Variants in LARGE1 observed in about 807,000 individuals in gnomAD.
The protein encoded by LARGE1 is xylosyl- and glucuronyltransferase LARGE1.
In LARGE1, 43 loss-of-function variants were observed where a neutral mutation model predicts 87.6. The ratio of observed to expected loss-of-function variants is 0.49; its 90% CI spans 0.38 to 0.63. LARGE1 has a LOEUF of 0.63. Among genes scored for constraint, LARGE1 ranks in the 30% least tolerant of loss-of-function variants. The probability of loss-of-function intolerance (pLI) is 0.00; values close to 1 mark genes in which losing one functional copy is unlikely to be tolerated. For missense variants in LARGE1, 802 were observed against 1,000.2 expected (o/e 0.80, Z 2.67); for synonymous variants, 434 against 394.6 (o/e 1.10, Z -1.18).
chr22:33,636,160 A>G (rs540764908), intron 3 of LARGE1, among the ~76,000 whole-genome samples: 1 of 152,214 alleles, frequency 6.6e-6, no homozygotes, highest in African/African-American at 2.4e-5. Flanking sequence ...AATTTTACAC[A>G]GAAAACATTA....
In LARGE1 at chr22:33,920,294, CT is replaced by C. The variant is rs923607181; in HGVS notation, c.-383del. ...AGGGGCGCCCCGCATGGGCAGGGGC[CT>C]GGGTCAGCCTCGGGTTGGGTCCAGG... On this transcript the variant is annotated 5_prime_UTR_variant, in exon 1 of 15. Transcript: ENST00000397394. The C allele has an allele frequency of 6.6e-6, 1 of 152,556 alleles. No homozygotes were observed. Among genetic ancestry groups the C allele is most frequent in the African/African-American group, 2.4e-5 (1 of 41,452 alleles). 9.5% of individuals were successfully genotyped at this position (152,556 alleles called of 1,614,324 possible). A position where few individuals can be genotyped will look rare whatever the true frequency, so the allele number is the denominator to read the frequency against.
intron 7 of LARGE1, among the ~76,000 whole-genome samples, chr22:33,411,487 T>C (rs1428078191): frequency 6.6e-6 from 1 of 152,240 alleles, no homozygotes; most frequent in African/African-American, 2.4e-5. Context: ...ATCACATGCA[T>C]ACATAAACAT....
Position 33,859,905 on chromosome 22 carries a change from C to G in LARGE1, c.-83+60090G>C, listed in dbSNP as rs1381266463. Among the ~76,000 whole-genome samples, 6 of 152,254 alleles carry G rather than the reference C, an allele frequency of 3.9e-5. No individual in the cohort carries two copies. In the East Asian group the frequency reaches 1.2e-3, roughly 29 times the overall value. On this transcript the variant is annotated intron_variant, in intron 1 of 14. Coordinates refer to ENST00000397394, the MANE Select transcript of LARGE1 (RefSeq NM_133642.5). ...ACAACAAATACTATATCATTCCACT[C>G]ATATAAAGTACCTGGAGGACTCAAA...
intron 11 of LARGE1, among the ~76,000 whole-genome samples, chr22:33,217,731 A>T (rs577890580): frequency 6.6e-6 from 1 of 152,240 alleles, no homozygotes; most frequent in African/African-American, 2.4e-5. Context: ...TATTCCTTAA[A>T]TAATTTACTG....
intron 5 of LARGE1, among the ~76,000 whole-genome samples, chr22:33,599,451 G>A (rs1314527301): frequency 6.6e-6 from 1 of 152,142 alleles, no homozygotes; most frequent in Non-Finnish European, 1.5e-5. Flanking sequence ...TAGCCTGTTG[G>A]TACCAGGAGT....
At position 33,887,598 on chromosome 22, in the gene LARGE1, G is replaced by A. The variant is rs370743263; in HGVS notation, c.-83+32397C>T. 1.3e-3 allele frequency among the ~76,000 whole-genome samples: 191 copies of A among 152,206 alleles called. 1 individual carries two copies. The highest frequency in any genetic ancestry group is 0.011 in the East Asian group (55 of 5,164). On this transcript the variant is annotated intron_variant, in intron 1 of 14. Transcript: ENST00000397394. The stretch of plus-strand genomic sequence containing the variant: ...CTAAAAATACAAAAATTAGCCAGGC[G>A]TGGTGGGTGGGTGCCTGTAATCCCA...
At chr22:33,452,876 C>G (rs2067992307) in intron 6 of LARGE1, among the ~76,000 whole-genome samples, 1 of 146,266 alleles carries the variant, frequency 6.8e-6, no homozygotes, top group Admixed American at 6.6e-5. Context: ...TGCTCATTTC[C>G]TTTACTTCAA....
At chr22:33,333,830 A>G (rs1938060360) in intron 10 of LARGE1, among the ~76,000 whole-genome samples, 1 of 150,598 alleles carries the variant, frequency 6.6e-6, no homozygotes, top group Non-Finnish European at 1.5e-5. Context: ...GACAAAAAGA[A>G]AACAGGGGCT....
intron 1 of LARGE1, among the ~76,000 whole-genome samples, chr22:33,843,676 T>C (rs536450129): frequency 7.2e-5 from 11 of 152,004 alleles, no homozygotes; most frequent in African/African-American, 2.7e-4. Flanking sequence ...ATGTTACTGA[T>C]GAAAACAAGT....
chr22:33,635,792 C>G (rs1225693237), intron 3 of LARGE1, among the ~76,000 whole-genome samples: 1 of 152,234 alleles, frequency 6.6e-6, no homozygotes, highest in Non-Finnish European at 1.5e-5. Flanking sequence ...CCTCTCAAAT[C>G]ATGTTACAAA....
chr22:33,423,452 G>A (rs9609788), intron 7 of LARGE1, among the ~76,000 whole-genome samples: 59,606 of 151,426 alleles, frequency 0.39, 12,329 homozygotes, highest in Non-Finnish European at 0.44. Context: ...TGAGGTGGGC[G>A]GATCACTTGA....
chr22:33,544,944 T>C (rs1013649787), intron 6 of LARGE1, among the ~76,000 whole-genome samples: 5 of 152,092 alleles, frequency 3.3e-5, no homozygotes, highest in East Asian at 1.9e-4. Context: ...AGGAGAGATA[T>C]GGTGTTCAAC....
At chr22:33,537,164 C>T (rs2077066469) in intron 6 of LARGE1, among the ~76,000 whole-genome samples, 1 of 152,260 alleles carries the variant, frequency 6.6e-6, no homozygotes, top group African/African-American at 2.4e-5. Flanking sequence ...TACCACATTT[C>T]ACTACAAATG....
At chr22:33,174,395 C>A (rs1922747687) in intron 11 of LARGE1, among the ~76,000 whole-genome samples, 1 of 152,088 alleles carries the variant, frequency 6.6e-6, no homozygotes, top group African/African-American at 2.4e-5. Flanking sequence ...CAGGAAAGAT[C>A]TAAAATCGAC....
chr22:33,893,509 C>T lies in LARGE1; in HGVS notation c.-83+26486G>A, dbSNP rs112697093. 8.2e-3 allele frequency among the ~76,000 whole-genome samples: 1,244 copies of T among 152,262 alleles called. 54 individuals are homozygous for T. Among genetic ancestry groups the T allele is most frequent in the Admixed American group, 0.066 (1,010 of 15,294 alleles). On this transcript the variant is annotated intron_variant, in intron 1 of 14. Coordinates refer to ENST00000397394, the MANE Select transcript of LARGE1 (RefSeq NM_133642.5). Reference sequence around the variant, plus strand: ...GATAAACGCACAGCATATTAACAAACGGTGATGCTATAGGAAAAAACAGAG... The same window carrying T: ...GATAAACGCACAGCATATTAACAAATGGTGATGCTATAGGAAAAAACAGAG...
the LARGE1 span, among the ~76,000 whole-genome samples, chr22:33,106,896 GA>G: frequency 6.6e-6 from 1 of 152,310 alleles, no homozygotes; most frequent in South Asian, 2.1e-4. Context: ...AGGTCAGTAA[GA>G]AATGATTAGA....
At chr22:33,595,279 C>T (rs2078947375) in intron 5 of LARGE1, among the ~76,000 whole-genome samples, 3 of 151,520 alleles carry the variant, frequency 2.0e-5, no homozygotes, top group Admixed American at 1.3e-4. Flanking sequence ...ATGAGAAGAC[C>T]ACAATAAATA....
chr22:33,672,939 C>T (rs1421787924), intron 2 of LARGE1, among the ~76,000 whole-genome samples: 1 of 152,150 alleles, frequency 6.6e-6, no homozygotes, highest in Non-Finnish European at 1.5e-5. Context: ...TATTTAGTTA[C>T]ACTGCGGTAA....
At chr22:33,085,104 C>T in the LARGE1 span, among the ~76,000 whole-genome samples, 3 of 152,188 alleles carry the variant, frequency 2.0e-5, no homozygotes, top group African/African-American at 4.8e-5. Context: ...GGCAAAACCC[C>T]GTCTCTACTA....
Sources: allele counts gnomAD v4.1 joint callset (sites outside exome capture counted in the v4.1 genomes callset), GRCh38; gene constraint gnomAD v4.1.1; transcripts MANE v1.5; gene names NCBI Gene and HGNC (gene_info 2026-07-23, HGNC 2026-07-21).